DIAPH3: variants seen among roughly 807,000 people sequenced by gnomAD.
DIAPH3 encodes protein diaphanous homolog 3.
DIAPH3 carries 117 observed loss-of-function variants against 144.3 expected under a neutral mutation model. The ratio of observed to expected loss-of-function variants is 0.81; its 90% CI spans 0.70 to 0.95. The LOEUF is 0.95. DIAPH3 is among the 40% of genes least tolerant of loss of function. The pLI, the probability that DIAPH3 is intolerant of heterozygous loss-of-function variation, is 0.00. For synonymous variants in DIAPH3, 519 were observed against 488.9 expected, an observed-to-expected ratio of 1.06 and a Z score of -0.81; for missense variants, 1,421 against 1,412.7, an observed-to-expected ratio of 1.01 and a Z score of -0.09.
At chr13:60,073,645 C>T (rs1200330982) in intron 4 of DIAPH3, among the ~76,000 whole-genome samples, 2 of 152,178 alleles carry the variant, frequency 1.3e-5, no homozygotes, top group Admixed American at 6.5e-5. Context: ...TGGCATCCAG[C>T]ATTGTAACAC....
chr13:59,842,684 C>T (rs1344389719), intron 22 of DIAPH3, among the ~76,000 whole-genome samples: 3 of 152,090 alleles, frequency 2.0e-5, no homozygotes, highest in African/African-American at 7.2e-5. Context: ...TCTGGGGATT[C>T]CCAAAACTCC....
At chr13:59,898,649 G>T (rs2046263317) in intron 20 of DIAPH3, among the ~76,000 whole-genome samples, 1 of 152,166 alleles carries the variant, frequency 6.6e-6, no homozygotes, top group Admixed American at 6.5e-5. Flanking sequence ...ATTCACAAGT[G>T]AGTACCTGAC....
intron 4 of DIAPH3, among the ~76,000 whole-genome samples, chr13:60,087,238 A>G (rs2057776526): frequency 6.6e-6 from 1 of 152,350 alleles, no homozygotes; most frequent in Non-Finnish European, 1.5e-5. Flanking sequence ...GACTGTATAC[A>G]TAAATCTAAA....
At chr13:59,949,370 A>C (rs1375374992) in intron 17 of DIAPH3, among the ~76,000 whole-genome samples, 1 of 152,166 alleles carries the variant, frequency 6.6e-6, no homozygotes, top group Non-Finnish European at 1.5e-5. Flanking sequence ...GAGGGGAATC[A>C]AGAAACCTAA....
intron 22 of DIAPH3, among the ~76,000 whole-genome samples, chr13:59,854,408 T>C (rs2043149039): frequency 6.6e-6 from 1 of 152,132 alleles, no homozygotes; most frequent in Non-Finnish European, 1.5e-5. Flanking sequence ...ATAAATACAT[T>C]CTGGTTTCTG....
intron 27 of DIAPH3, among the ~76,000 whole-genome samples, chr13:59,773,630 A>G (rs1178843725): frequency 6.6e-6 from 1 of 152,216 alleles, no homozygotes; most frequent in African/African-American, 2.4e-5. Context: ...TTGGGCATGG[A>G]GGACTGGTTA....
At chr13:60,009,225 T>A (rs2053084835) in intron 8 of DIAPH3, among the ~76,000 whole-genome samples, 1 of 152,178 alleles carries the variant, frequency 6.6e-6, no homozygotes, top group Non-Finnish European at 1.5e-5. Flanking sequence ...AAAACTATAC[T>A]TCCTCTTCTT....
chr13:59,979,567 A>G (rs1240989376), intron 14 of DIAPH3, among the ~76,000 whole-genome samples: 1 of 151,688 alleles, frequency 6.6e-6, no homozygotes, highest in Non-Finnish European at 1.5e-5. Flanking sequence ...AGGCGTGGGA[A>G]ATAACAACCT....
intron 5 of DIAPH3, among the ~76,000 whole-genome samples, chr13:60,024,504 T>C (rs1000606150): frequency 6.6e-6 from 1 of 152,234 alleles, no homozygotes; most frequent in Non-Finnish European, 1.5e-5. Flanking sequence ...ATTTTTTTTC[T>C]TTTGTCAGCA....
At chr13:59,870,664 T>TG (rs1006738699) in intron 21 of DIAPH3, among the ~76,000 whole-genome samples, 1 of 105,868 alleles carries the variant, frequency 9.4e-6, no homozygotes, top group African/African-American at 2.8e-5. Flanking sequence ...GTTTTGTAGG[T>TG]GTTTTTTTTT....
chr13:60,080,458 A>G (rs1377121452), intron 4 of DIAPH3, among the ~76,000 whole-genome samples: 1 of 151,920 alleles, frequency 6.6e-6, no homozygotes, highest in Non-Finnish European at 1.5e-5. Context: ...TTCACTTTCT[A>G]ATTTGAAACC....
chr13:59,781,097 G>A (rs1016263679), intron 25 of DIAPH3, among the ~76,000 whole-genome samples: 1 of 152,072 alleles, frequency 6.6e-6, no homozygotes, highest in Non-Finnish European at 1.5e-5. Context: ...CTTCAGCCAC[G>A]GTACAACCTG....
intron 9 of DIAPH3, among the ~76,000 whole-genome samples, chr13:60,007,608 T>G (rs1391379228): frequency 2.6e-5 from 4 of 152,182 alleles, no homozygotes; most frequent in Non-Finnish European, 4.4e-5. Flanking sequence ...AATGTCCAGG[T>G]CACACCATGC....
intron 4 of DIAPH3, among the ~76,000 whole-genome samples, chr13:60,049,582 G>A (rs113252688): frequency 0.016 from 2,437 of 152,286 alleles, 60 homozygotes; most frequent in African/African-American, 0.051. Context: ...AAGGCCTCTC[G>A]TGAGCCACGC....
At chr13:59,844,286 C>T (rs1002523894) in intron 22 of DIAPH3, among the ~76,000 whole-genome samples, 2 of 151,818 alleles carry the variant, frequency 1.3e-5, no homozygotes, top group South Asian at 2.1e-4. Flanking sequence ...ATCCAGATCA[C>T]GAGGTCAGGA....
intron 5 of DIAPH3, among the ~76,000 whole-genome samples, chr13:60,017,185 C>T (rs2053709903): frequency 6.6e-6 from 1 of 152,030 alleles, no homozygotes; most frequent in African/African-American, 2.4e-5. Context: ...GGGTAGATCA[C>T]CTGAGGTCAG....
intron 27 of DIAPH3, among the ~76,000 whole-genome samples, chr13:59,723,744 G>A (rs1053577656): frequency 1.4e-4 from 21 of 151,806 alleles, no homozygotes; most frequent in African/African-American, 5.1e-4. Flanking sequence ...CCAAGTAGCT[G>A]GGACTACAGG....
intron 9 of DIAPH3, among the ~76,000 whole-genome samples, chr13:60,005,189 A>G (rs918973706): frequency 6.6e-6 from 1 of 152,228 alleles, no homozygotes; most frequent in African/African-American, 2.4e-5. Flanking sequence ...TTTAAAATGC[A>G]GTACTCCAAC....
chr13:60,014,472 A>C (rs2140975658), intron 7 of DIAPH3, among the ~76,000 whole-genome samples: 1 of 152,308 alleles, frequency 6.6e-6, no homozygotes. Context: ...CAAGGAAGAA[A>C]AAATATTTCA....
Sources: allele counts gnomAD v4.1 joint callset (sites outside exome capture counted in the v4.1 genomes callset), GRCh38; gene constraint gnomAD v4.1.1; transcripts MANE v1.5; gene names NCBI Gene and HGNC (gene_info 2026-07-23, HGNC 2026-07-21).